Variants in MEAK7 observed in about 807,000 individuals in gnomAD.
MEAK7 encodes the protein MTOR-associated protein MEAK7.
Under a neutral mutation model 40.5 loss-of-function variants are expected in MEAK7, and 68 were observed. That is an observed-to-expected ratio of 1.68 (90% CI 1.38 to 2.06). MEAK7 has a LOEUF of 2.06. Ranked by LOEUF, MEAK7 falls within the 30% of genes most tolerant of loss-of-function variation. The probability of loss-of-function intolerance (pLI) is 0.00; values close to 1 mark genes in which losing one functional copy is unlikely to be tolerated. For synonymous variants in MEAK7, 338 were observed against 231.9 expected, an observed-to-expected ratio of 1.46 and a Z score of -4.16; for missense variants, 918 against 580.5, an observed-to-expected ratio of 1.58 and a Z score of -5.98.
intron 7 of MEAK7, 73 bp downstream of exon 7, chr16:84,480,456 A>C (rs1471314258): frequency 6.8e-7 from 1 of 1,477,390 alleles, no homozygotes; most frequent in Non-Finnish European, 9.1e-7. Flanking sequence ...GTAAAGGGGT[A>C]ATGGTAAGAA....
At chr16:84,480,279 A>C (rs569340656) in intron 7 of MEAK7, among the ~76,000 whole-genome samples, 5 of 152,136 alleles carry the variant, frequency 3.3e-5, no homozygotes, top group African/African-American at 1.2e-4. Context: ...GGGCAGAGAG[A>C]ATGAAGGGCC....
chr16:84,489,891 G>C (rs1329400292), intron 3 of MEAK7, among the ~76,000 whole-genome samples: 2 of 152,304 alleles, frequency 1.3e-5, no homozygotes, highest in Non-Finnish European at 2.9e-5. Flanking sequence ...TGGAGTTGCA[G>C]CTCGCTTCCA....
intron 1 of MEAK7, chr16:84,504,284 C>G (rs982714056): frequency 1.3e-5 from 6 of 457,976 alleles, no homozygotes; most frequent in Non-Finnish European, 1.7e-5. Context: ...TCTGAATCCC[C>G]CTTCAACACG....
At chr16:84,495,955 A>G (rs749796573) in intron 2 of MEAK7, 42 bp from the exon 3 acceptor site, 9 of 1,599,904 alleles carry the variant, frequency 5.6e-6, no homozygotes, top group Non-Finnish European at 7.7e-6. Flanking sequence ...ACAGTGCACA[A>G]GTTGAACTTG....
At chr16:84,485,548 G>A (rs1912959044) in intron 5 of MEAK7, among the ~76,000 whole-genome samples, 1 of 152,182 alleles carries the variant, frequency 6.6e-6, no homozygotes, top group African/African-American at 2.4e-5. Context: ...AATGCCAAAG[G>A]CAAACCCTGG....
intron 3 of MEAK7, among the ~76,000 whole-genome samples, chr16:84,489,631 C>G (rs1913397675): frequency 6.6e-6 from 1 of 152,164 alleles, no homozygotes; most frequent in African/African-American, 2.4e-5. Context: ...TCCAGGAGTT[C>G]TGACCTCATC....
chr16:84,485,144 G>A (rs1016184257), intron 5 of MEAK7, among the ~76,000 whole-genome samples: 2 of 152,218 alleles, frequency 1.3e-5, no homozygotes, highest in African/African-American at 2.4e-5. Flanking sequence ...TGGAGGCAGG[G>A]CAAGGTGGGT....
In MEAK7 at chr16:84,487,008, G is replaced by C. The variant is rs1913144635; in HGVS notation, c.581C>G (p.Ala194Gly). The C allele has an allele frequency of 3.1e-6, 5 of 1,614,078 alleles. No individual in the cohort carries two copies. Among genetic ancestry groups the C allele is most frequent in the Non-Finnish European group, 4.2e-6 (5 of 1,180,006 alleles). ...PQWLDYDCDR[A>G]VIEDWVFRVP... is the part of the protein sequence containing the mutation. ...CCTGAACACCCAGTCCTCGATCACA[G>C]CTCGGTCACAGTCATAGTCCAGCCA... is the stretch of plus-strand genomic sequence containing the variant. The change falls in exon 5 of 8, where the codon GCT becomes GGT. Residue 194 changes from alanine to glycine, a missense_variant. By Grantham distance (60) the Ala-to-Gly change is moderately conservative. Coordinates refer to ENST00000343629, the MANE Select transcript of MEAK7 (RefSeq NM_020947.4).
chr16:84,481,714 A>T (rs1912561753), intron 6 of MEAK7, among the ~76,000 whole-genome samples: 1 of 152,132 alleles, frequency 6.6e-6, no homozygotes, highest in Non-Finnish European at 1.5e-5. Flanking sequence ...CGGGTGGATC[A>T]CGAGGTCAGG....
chr16:84,504,263 T>G (rs1240845963), intron 1 of MEAK7: 1 of 609,970 alleles, frequency 1.6e-6, no homozygotes, highest in Non-Finnish European at 2.1e-6. Context: ...CCTTTCCGCG[T>G]CTACACAGGC....
chr16:84,498,463 T>C (rs1368846638), intron 1 of MEAK7, among the ~76,000 whole-genome samples: 1 of 151,002 alleles, frequency 6.6e-6, no homozygotes, highest in Non-Finnish European at 1.5e-5. Flanking sequence ...TCTGTAGAGA[T>C]GGGGTCTTGC....
intron 4 of MEAK7, among the ~76,000 whole-genome samples, chr16:84,488,960 A>G (rs1470276261): frequency 6.6e-6 from 1 of 152,214 alleles, no homozygotes; most frequent in African/African-American, 2.4e-5. Flanking sequence ...AACTAGAAAG[A>G]CAACAGAAAA....
intron 5 of MEAK7, chr16:84,486,386 G>C: frequency 8.0e-7 from 1 of 1,249,858 alleles, no homozygotes; most frequent in Admixed American, 3.8e-5. Context: ...CATAGACCCG[G>C]CACCGTGTAA....
chr16:84,504,237 C>G, intron 1 of MEAK7: 6 of 793,014 alleles, frequency 7.6e-6, no homozygotes, highest in Non-Finnish European at 7.6e-6. Context: ...TCGCCTCCTC[C>G]GTGGAGGCAC....
intron 5 of MEAK7, among the ~76,000 whole-genome samples, chr16:84,483,145 A>AGAAC (rs1376445790): frequency 2.6e-5 from 4 of 152,232 alleles, no homozygotes; most frequent in Non-Finnish European, 4.4e-5. Context: ...CCGGCCTGAA[A>AGAAC]GAACGTACCA....
rs1014599973 is a variant in MEAK7 at position 84,479,845 on chromosome 16, G to A, written c.*68C>T. The A allele has an allele frequency of 2.5e-6, 3 of 1,222,994 alleles. No individual in the cohort carries two copies. Among genetic ancestry groups the A allele is most frequent in the South Asian group, 3.1e-5 (2 of 65,560 alleles). The allele number at this position is 1,222,994 out of a possible 1,614,324, so 75.8% of individuals were successfully genotyped here. On this transcript the variant is annotated 3_prime_UTR_variant, in exon 8 of 8. Transcript: ENST00000343629. The stretch of plus-strand genomic sequence containing the variant: ...AGTTAAACCATGTGGGAGGGAAGAG[G>A]GGCTGCAGGCGTTGCCCTCTACCCA...
chr16:84,485,275 A>G (rs533292892), intron 5 of MEAK7, among the ~76,000 whole-genome samples: 1 of 152,330 alleles, frequency 6.6e-6, no homozygotes, highest in South Asian at 2.1e-4. Flanking sequence ...CACCATTCCC[A>G]GAACTAAGAT....
chr16:84,502,188 G>A (rs1056109850), intron 1 of MEAK7, among the ~76,000 whole-genome samples: 5 of 151,982 alleles, frequency 3.3e-5, no homozygotes, highest in African/African-American at 9.7e-5. Flanking sequence ...TGCTGACAGC[G>A]CACATCAAGG....
chr16:84,497,672 G>C lies in MEAK7; in HGVS notation c.153+262C>G, dbSNP rs1283489578. ...TCTGTAGTACAGATAAGAGACTATTGATTTCAAAAACGGGGAGGGATGCGT... is the reference window on the plus strand; with the variant it reads ...TCTGTAGTACAGATAAGAGACTATTCATTTCAAAAACGGGGAGGGATGCGT... On this transcript the variant is annotated intron_variant, in intron 2 of 7. Coordinates refer to ENST00000343629, the MANE Select transcript of MEAK7 (RefSeq NM_020947.4). The C allele has an allele frequency of 4.1e-6, 6 of 1,462,802 alleles. No individual in the cohort carries two copies. The African/African-American group carries it at 4.2e-5, about 10-fold the overall frequency. The allele number at this position is 1,462,802 out of a possible 1,614,324, so 90.6% of individuals were successfully genotyped here.
Sources: allele counts gnomAD v4.1 joint callset (sites outside exome capture counted in the v4.1 genomes callset), GRCh38; gene constraint gnomAD v4.1.1; transcripts MANE v1.5; gene names NCBI Gene and HGNC (gene_info 2026-07-23, HGNC 2026-07-21).